The following STK39 variants were observed in gnomAD, a reference collection of about 807,000 sequenced individuals.
STK39 encodes the protein STE20/SPS1-related proline-alanine-rich protein kinase.
In STK39, 20 loss-of-function variants were observed where a neutral mutation model predicts 77.8. The observed-to-expected ratio is 0.26, with a 90% CI of 0.18 to 0.37. STK39 has a LOEUF of 0.37. Among genes scored for constraint, STK39 ranks in the 10% least tolerant of loss-of-function variants. The pLI is 1.00. For synonymous variants in STK39, 246 were observed against 234.1 expected, an observed-to-expected ratio of 1.05 and a Z score of -0.47; for missense variants, 479 against 656.5, an observed-to-expected ratio of 0.73 and a Z score of 2.95.
intron 16 of STK39, among the ~76,000 whole-genome samples, chr2:168,005,709 T>C (rs1435605905): frequency 6.6e-6 from 1 of 151,988 alleles, no homozygotes. Flanking sequence ...CGTCTTGAGG[T>C]GGTAAAAACA....
chr2:168,123,532 A>G (rs553131427), intron 10 of STK39, among the ~76,000 whole-genome samples: 6 of 152,204 alleles, frequency 3.9e-5, no homozygotes, highest in African/African-American at 1.4e-4. Flanking sequence ...TCTTGGCACT[A>G]TTTTTCTAAC....
chr2:167,964,258 C>T lies in STK39; in HGVS notation c.1563+404G>A, dbSNP rs139596306. On this transcript the variant is annotated intron_variant, in intron 17 of 17. Transcript: ENST00000355999. The stretch of plus-strand genomic sequence containing the variant: ...CTTCCAATTACCTAAACCATTTCTA[C>T]AACAATCAGCCTCTATTTTTAAAAG... 17 of 162,548 alleles carry T rather than the reference C, an allele frequency of 1.0e-4. No homozygotes were observed. The East Asian group carries it at 3.2e-3, about 31-fold the overall frequency. The allele number at this position is 162,548 out of a possible 1,614,324, so 10.1% of individuals were successfully genotyped here. A position where few individuals can be genotyped will look rare whatever the true frequency, so the allele number is the denominator to read the frequency against.
At chr2:168,198,158 TCA>T (rs1230333738) in intron 1 of STK39, among the ~76,000 whole-genome samples, 1 of 152,086 alleles carries the variant, frequency 6.6e-6, no homozygotes, top group Non-Finnish European at 1.5e-5. Context: ...CAATCTTTAC[TCA>T]CACACACACG....
intron 1 of STK39, among the ~76,000 whole-genome samples, chr2:168,203,639 C>T (rs1280824621): frequency 2.0e-5 from 3 of 152,218 alleles, no homozygotes; most frequent in Non-Finnish European, 4.4e-5. Context: ...GTCACCCAGG[C>T]TGGAGTACAG....
chr2:168,225,924 T>C (rs957288483), intron 1 of STK39, among the ~76,000 whole-genome samples: 2 of 152,136 alleles, frequency 1.3e-5, no homozygotes, highest in Non-Finnish European at 2.9e-5. Flanking sequence ...CACTAAAAAC[T>C]AGATTCTCAA....
chr2:168,245,862 A>T (rs1690884295), intron 1 of STK39, among the ~76,000 whole-genome samples: 1 of 152,188 alleles, frequency 6.6e-6, no homozygotes. Flanking sequence ...TGGGTTTTCA[A>T]AGAATTTTGT....
chr2:168,016,398 A>AAAC (rs1684406282), intron 15 of STK39, among the ~76,000 whole-genome samples: 1 of 150,416 alleles, frequency 6.6e-6, no homozygotes, highest in Admixed American at 6.6e-5. Flanking sequence ...AAAAAAAAAA[A>AAAC]AAAAAAAAAA....
At position 167,954,927 on chromosome 2, in the gene STK39, G is replaced by A. The variant is rs1691724407; in HGVS notation, c.*569C>T. The A allele has an allele frequency of 6.5e-6, 1 of 152,740 alleles. No homozygotes were observed. The highest frequency in any genetic ancestry group is 3.4e-3 in the Middle Eastern group (1 of 294). 9.5% of individuals were successfully genotyped at this position (152,740 alleles called of 1,614,324 possible). On this transcript the variant is annotated 3_prime_UTR_variant, in exon 18 of 18. Transcript: ENST00000355999. ...CCTTTTTTTCTTATAGCTAAGGTGTGTAATGCATAAATATATGAAAAATAA... is the reference window on the plus strand; with the variant it reads ...CCTTTTTTTCTTATAGCTAAGGTGTATAATGCATAAATATATGAAAAATAA...
At position 168,040,208 on chromosome 2, in the gene STK39, A is replaced by G. The variant is rs112857894; in HGVS notation, c.1377-23113T>C. 2.8e-3 allele frequency among the ~76,000 whole-genome samples: 427 copies of G among 152,302 alleles called. 1 individual carries two copies. The highest frequency in any genetic ancestry group is 9.8e-3 in the African/African-American group (407 of 41,556). On this transcript the variant is annotated intron_variant, in intron 14 of 17. Coordinates refer to ENST00000355999, the MANE Select transcript of STK39 (RefSeq NM_013233.3). ...AGAATAAAACTGTTGCTCAATATAT[A>G]TATATATTTGGATAAATGTACAGGT...
At chr2:168,075,375 T>C in intron 10 of STK39, 144 bp from the exon 11 acceptor site, 2 of 1,186,094 alleles carry the variant, frequency 1.7e-6, no homozygotes, top group South Asian at 3.0e-5. Flanking sequence ...GCGGTTAAGA[T>C]CCAAAAAGAC....
chr2:168,227,501 C>T (rs182871464), intron 1 of STK39, among the ~76,000 whole-genome samples: 17 of 152,130 alleles, frequency 1.1e-4, no homozygotes, highest in African/African-American at 4.1e-4. Context: ...AAAAAGATAC[C>T]ACATATTTAA....
chr2:168,155,316 A>G (rs1488576866), intron 5 of STK39, among the ~76,000 whole-genome samples: 1 of 152,216 alleles, frequency 6.6e-6, no homozygotes, highest in East Asian at 1.9e-4. Flanking sequence ...TGCAGCTGGA[A>G]TGAAAAACTC....
At chr2:168,133,528 T>C (rs915605017) in intron 8 of STK39, among the ~76,000 whole-genome samples, 2 of 151,910 alleles carry the variant, frequency 1.3e-5, no homozygotes, top group Non-Finnish European at 2.9e-5. Context: ...TGCCAAACTA[T>C]CTCCATGAGA....
At chr2:168,081,114 C>A (rs942581500) in intron 10 of STK39, among the ~76,000 whole-genome samples, 1 of 152,108 alleles carries the variant, frequency 6.6e-6, no homozygotes, top group Non-Finnish European at 1.5e-5. Flanking sequence ...GGGGCACTGC[C>A]TAGTGGAGCT....
chr2:167,988,966 C>T (rs1273986476), intron 16 of STK39, among the ~76,000 whole-genome samples: 1 of 152,178 alleles, frequency 6.6e-6, no homozygotes. Flanking sequence ...TGAAGGCATC[C>T]TCAAGCCCCA....
intron 14 of STK39, among the ~76,000 whole-genome samples, chr2:168,060,750 T>G (rs1486585659): frequency 2.0e-5 from 3 of 152,248 alleles, no homozygotes; most frequent in Non-Finnish European, 4.4e-5. Context: ...CTTTATGATA[T>G]CCTTTGGAAT....
chr2:168,091,004 C>T (rs1414060165), intron 10 of STK39, among the ~76,000 whole-genome samples: 1 of 152,126 alleles, frequency 6.6e-6, no homozygotes, highest in Non-Finnish European at 1.5e-5. Flanking sequence ...TATTAACATC[C>T]TATCGTGCTG....
chr2:168,140,599 T>A, intron 6 of STK39, 50 bp downstream of exon 6: 1 of 1,406,846 alleles, frequency 7.1e-7, no homozygotes, highest in Non-Finnish European at 9.9e-7. Context: ...ATTAATGATC[T>A]GTACGATTGT....
intron 1 of STK39, among the ~76,000 whole-genome samples, chr2:168,198,638 C>T (rs928272385): frequency 6.6e-5 from 10 of 152,192 alleles, no homozygotes; most frequent in African/African-American, 2.4e-4. Context: ...TGAATCTGAT[C>T]TAAACCAGAG....
Sources: gnomAD v4.1 joint callset for allele counts (sites outside exome capture counted in the v4.1 genomes callset) on GRCh38, gnomAD v4.1.1 for gene constraint, MANE v1.5 for transcripts, NCBI Gene and HGNC (gene_info 2026-07-23, HGNC 2026-07-21) for gene names.